The following SNX6 variants were observed in gnomAD, a reference collection of about 807,000 sequenced individuals.
SNX6 encodes sorting nexin-6.
In SNX6, 34 loss-of-function variants were observed where a neutral mutation model predicts 63.0. That is an observed-to-expected ratio of 0.54 (90% CI 0.41 to 0.72). SNX6 has a LOEUF of 0.72. Among genes scored for constraint, SNX6 ranks in the 30% least tolerant of loss-of-function variants. The pLI is 0.00. For missense variants in SNX6, 398 were observed against 471.4 expected (o/e 0.84, Z 1.44); for synonymous variants, 170 against 164.2 (o/e 1.04, Z -0.27).
At chr14:34,617,637 T>G (rs1402151724) in intron 2 of SNX6, among the ~76,000 whole-genome samples, 9 of 140,716 alleles carry the variant, frequency 6.4e-5, no homozygotes, top group Admixed American at 5.0e-4. Flanking sequence ...AAAAAAAGAC[T>G]TGGACCAGGC....
At chr14:34,607,464 G>C (rs1883066292) in intron 4 of SNX6, among the ~76,000 whole-genome samples, 2 of 151,792 alleles carry the variant, frequency 1.3e-5, no homozygotes, top group African/African-American at 2.4e-5. Context: ...AAAAAAATTA[G>C]CCGGGCATGG....
At chr14:34,605,738 T>C (rs992544739) in intron 4 of SNX6, 21 bp from the exon 5 acceptor site, 3 of 1,583,296 alleles carry the variant, frequency 1.9e-6, no homozygotes, top group Non-Finnish European at 2.6e-6. Flanking sequence ...ACCAAATGAC[T>C]AATTTTAAGG....
intron 4 of SNX6, among the ~76,000 whole-genome samples, chr14:34,607,533 C>A (rs1202758407): frequency 6.6e-6 from 1 of 152,076 alleles, no homozygotes; most frequent in African/African-American, 2.4e-5. Flanking sequence ...TCGCCTGAAT[C>A]CAGGAGGCAG....
intron 9 of SNX6, among the ~76,000 whole-genome samples, chr14:34,582,648 C>G (rs1366838461): frequency 6.6e-6 from 1 of 152,032 alleles, no homozygotes; most frequent in Admixed American, 6.6e-5. Flanking sequence ...TGGGTTCAAA[C>G]GATTCTCCTG....
intron 2 of SNX6, among the ~76,000 whole-genome samples, chr14:34,610,991 G>A (rs571906244): frequency 3.0e-4 from 45 of 151,322 alleles, no homozygotes; most frequent in Middle Eastern, 3.4e-3. Context: ...GTGTGTGTGT[G>A]TATATATATA....
At chr14:34,599,606 TAAA>T (rs143732306) in intron 6 of SNX6, among the ~76,000 whole-genome samples, 2 of 123,422 alleles carry the variant, frequency 1.6e-5, no homozygotes, top group Non-Finnish European at 3.5e-5. Flanking sequence ...AAACTCTGTC[TAAA>T]AAAAAAAAAA....
intron 11 of SNX6, among the ~76,000 whole-genome samples, chr14:34,568,523 A>G (rs1461778816): frequency 1.3e-5 from 2 of 151,866 alleles, no homozygotes; most frequent in Non-Finnish European, 2.9e-5. Context: ...TTTTGTAGAG[A>G]CGGGGCCTCA....
At chr14:34,585,735 G>A (rs1236588639) in intron 9 of SNX6, among the ~76,000 whole-genome samples, 1 of 151,154 alleles carries the variant, frequency 6.6e-6, no homozygotes, top group Non-Finnish European at 1.5e-5. Context: ...AGCTAGCTGG[G>A]ATTACAGGCA....
At chr14:34,627,453 CAAA>C (rs1289371850) in intron 2 of SNX6, among the ~76,000 whole-genome samples, 1 of 134,976 alleles carries the variant, frequency 7.4e-6, no homozygotes. Context: ...GACTCCGTTT[CAAA>C]AAAAAAAAAA....
At position 34,575,758 on chromosome 14, in the gene SNX6, T is replaced by C; in HGVS notation, c.919A>G (p.Lys307Glu). ...ATTTAAAAAAAGATTAAAATTACCT[T>C]AGCAGCTTGAGATTCTCTTAAGTAA... is the stretch of plus-strand genomic sequence containing the variant. Reference protein sequence around the residue: ...KYYLRESQAAKDLLYRRSRSL... With the variant: ...KYYLRESQAAEDLLYRRSRSL... Residue 307 changes from lysine (K) to glutamate (E), a missense_variant and splice_region_variant, in exon 11 of 14, where the codon AAG becomes GAG. Lys to Glu is a moderately conservative substitution (Grantham distance 56). Transcript: ENST00000362031. The C allele has an allele frequency of 6.4e-7, 1 of 1,560,020 alleles. No homozygotes were observed. The highest frequency in any genetic ancestry group is 8.7e-7 in the Non-Finnish European group (1 of 1,145,584).
At chr14:34,568,144 ATTTTTTTT>A (rs35123961) in intron 11 of SNX6, 131 bp from the exon 12 acceptor site, 5 of 457,542 alleles carry the variant, frequency 1.1e-5, no homozygotes, top group African/African-American at 1.1e-4. Flanking sequence ...AGTTACTCCA[ATTTTTTTT>A]TTTTTTTTTG....
chr14:34,568,718 G>A, intron 11 of SNX6: 2 of 893,804 alleles, frequency 2.2e-6, no homozygotes, highest in Non-Finnish European at 3.8e-6. Context: ...ACTGCCACCT[G>A]TCCAGCGATT....
At chr14:34,627,644 C>T (rs1459694662) in intron 2 of SNX6, among the ~76,000 whole-genome samples, 1 of 152,064 alleles carries the variant, frequency 6.6e-6, no homozygotes, top group East Asian at 1.9e-4. Context: ...CATGCGCCAC[C>T]ATGCCCAGCT....
At chr14:34,571,490 T>C (rs1180619294) in intron 11 of SNX6, among the ~76,000 whole-genome samples, 1 of 152,080 alleles carries the variant, frequency 6.6e-6, no homozygotes, top group Non-Finnish European at 1.5e-5. Context: ...CGCATGTAAC[T>C]AAATGCAAGA....
rs1167856712 is a variant in SNX6 at position 34,562,521 on chromosome 14, A to C, written c.*601T>G. The C allele has an allele frequency of 6.5e-6, 1 of 152,686 alleles. No individual in the cohort carries two copies. The highest frequency in any genetic ancestry group is 1.5e-5 in the Non-Finnish European group (1 of 68,052). 9.5% of individuals were successfully genotyped at this position (152,686 alleles called of 1,614,324 possible). A position where few individuals can be genotyped will look rare whatever the true frequency, so the allele number is the denominator to read the frequency against. On this transcript the variant is annotated 3_prime_UTR_variant, in exon 14 of 14. Coordinates refer to ENST00000362031, the MANE Select transcript of SNX6 (RefSeq NM_152233.4). The stretch of plus-strand genomic sequence containing the variant: ...CTGTTTATTTTACAATACTTGGTTT[A>C]GTCTACAAGTTTAAGGCAAACATAC...
chr14:34,581,827 T>G (rs867995198), intron 9 of SNX6, among the ~76,000 whole-genome samples: 2 of 151,818 alleles, frequency 1.3e-5, no homozygotes, highest in South Asian at 2.1e-4. Flanking sequence ...ATCTGTTCAT[T>G]TGATTTTTGT....
In SNX6 at chr14:34,624,393, G is replaced by A. The variant is rs571915278; in HGVS notation, c.54+5514C>T. ...TGGGATTACATGCATGAGACACTGC[G>A]CCTGGCCAAAACAATGTTTTCTTAG... On this transcript the variant is annotated intron_variant, in intron 2 of 13. Coordinates refer to ENST00000362031, the MANE Select transcript of SNX6 (RefSeq NM_152233.4). 3.9e-5 allele frequency among the ~76,000 whole-genome samples: 6 copies of A among 152,252 alleles called. No homozygotes were observed. The East Asian group carries it at 9.6e-4, about 24-fold the overall frequency.
At chr14:34,597,311 G>T (rs1260914099) in intron 7 of SNX6, among the ~76,000 whole-genome samples, 1 of 152,202 alleles carries the variant, frequency 6.6e-6, no homozygotes, top group Non-Finnish European at 1.5e-5. Flanking sequence ...CTGATGTGAA[G>T]GGAAGGGGTG....
chr14:34,607,545 G>C (rs985407831), intron 4 of SNX6, among the ~76,000 whole-genome samples: 1 of 152,144 alleles, frequency 6.6e-6, no homozygotes, highest in Non-Finnish European at 1.5e-5. Context: ...AGGAGGCAGA[G>C]GTTACAGTGA....
Sources: gnomAD v4.1 joint callset for allele counts (sites outside exome capture counted in the v4.1 genomes callset) on GRCh38, gnomAD v4.1.1 for gene constraint, MANE v1.5 for transcripts, NCBI Gene and HGNC (gene_info 2026-07-23, HGNC 2026-07-21) for gene names.